SYTL2: variants seen among roughly 807,000 people sequenced by gnomAD.
The protein encoded by SYTL2 is synaptotagmin-like protein 2.
Under a neutral mutation model 198.7 loss-of-function variants are expected in SYTL2, and 165 were observed. The observed-to-expected ratio is 0.83, with a 90% CI of 0.73 to 0.94. The LOEUF (loss-of-function observed/expected upper bound fraction) is 0.94. Ranked by LOEUF, SYTL2 falls within the 40% of genes least tolerant of loss-of-function variation. The probability of loss-of-function intolerance (pLI) is 0.00; values close to 1 mark genes in which losing one functional copy is unlikely to be tolerated. For missense variants in SYTL2, 2,835 were observed against 2,582.8 expected, an observed-to-expected ratio of 1.10 and a Z score of -2.12; for synonymous variants, 966 against 917.7, an observed-to-expected ratio of 1.05 and a Z score of -0.95.
intron 14 of SYTL2, chr11:85,708,165 AG>A (rs1266291779): frequency 4.6e-6 from 2 of 433,656 alleles, no homozygotes; most frequent in Admixed American, 5.2e-5. Context: ...AAAAAAAAAA[AG>A]AAAAAAAGAA....
chr11:85,752,280 C>T (rs138047047), intron 2 of SYTL2, among the ~76,000 whole-genome samples: 1 of 152,268 alleles, frequency 6.6e-6, no homozygotes, highest in East Asian at 1.9e-4. Flanking sequence ...GAGGTGCTCT[C>T]AGATGTTTGT....
chr11:85,834,967 C>G, the SYTL2 span, among the ~76,000 whole-genome samples: 1 of 152,016 alleles, frequency 6.6e-6, no homozygotes, highest in African/African-American at 2.4e-5. Context: ...AGTATGCTGA[C>G]CAGGCTGGTC....
chr11:85,787,255 C>T (rs2092650149), intron 1 of SYTL2, among the ~76,000 whole-genome samples: 1 of 152,160 alleles, frequency 6.6e-6, no homozygotes, highest in African/African-American at 2.4e-5. Flanking sequence ...TTCTGCAAGG[C>T]TGCTATGTGA....
rs1230385423 is a variant in SYTL2 at position 85,751,475 on chromosome 11, T to C, written c.102-3052A>G. Among the ~76,000 whole-genome samples the C allele has an allele frequency of 2.0e-5, 3 of 152,154 alleles. No individual in the cohort carries two copies. The South Asian group carries it at 6.2e-4, about 31-fold the overall frequency. On this transcript the variant is annotated intron_variant, in intron 2 of 19. Coordinates refer to ENST00000359152, the MANE Select transcript of SYTL2 (RefSeq NM_206927.4). ...CTAGATGAAGAGAGAAAGGGGTAAG[T>C]TTCTTGGGACTGACATTTATCCTTT...
the SYTL2 span, among the ~76,000 whole-genome samples, chr11:85,844,736 A>T: frequency 6.6e-6 from 1 of 152,074 alleles, no homozygotes; most frequent in East Asian, 1.9e-4. Flanking sequence ...CTTAGGCAAA[A>T]GAAAGATTGA....
chr11:85,826,164 C>A, the SYTL2 span, among the ~76,000 whole-genome samples: 1 of 152,170 alleles, frequency 6.6e-6, no homozygotes, highest in African/African-American at 2.4e-5. Flanking sequence ...CACCCCAGAC[C>A]TATAATTTTG....
chr11:85,728,326 G>A (rs1271607266), intron 7 of SYTL2, among the ~76,000 whole-genome samples: 1 of 152,012 alleles, frequency 6.6e-6, no homozygotes, highest in Non-Finnish European at 1.5e-5. Flanking sequence ...TCGCTCTGTT[G>A]CCTAGGCCAG....
intron 1 of SYTL2, among the ~76,000 whole-genome samples, chr11:85,808,682 A>G (rs1167319471): frequency 1.3e-5 from 2 of 152,176 alleles, no homozygotes; most frequent in African/African-American, 2.4e-5. Context: ...AAAAAACTTT[A>G]TATTTTTAAA....
chr11:85,784,269 T>C (rs1280128889), intron 1 of SYTL2, among the ~76,000 whole-genome samples: 1 of 152,090 alleles, frequency 6.6e-6, no homozygotes, highest in Non-Finnish European at 1.5e-5. Flanking sequence ...GACGGTGCAA[T>C]GCAATGGTTT....
At chr11:85,821,512 G>A in the SYTL2 span, among the ~76,000 whole-genome samples, 3 of 152,312 alleles carry the variant, frequency 2.0e-5, no homozygotes, top group East Asian at 1.9e-4. Flanking sequence ...GAAGGCGAGT[G>A]TTAGGAAGCA....
chr11:85,736,516 GAAAT>G lies in SYTL2; in HGVS notation c.567_570del (p.Leu189PhefsTer26), dbSNP rs1432888406. The G allele has an allele frequency of 6.3e-7, 1 of 1,575,666 alleles. No individual in the cohort carries two copies. The highest frequency in any genetic ancestry group is 1.7e-5 in the Admixed American group (1 of 59,076). On this transcript the variant is annotated frameshift_variant, in exon 6 of 20. Transcript: ENST00000359152. LOFTEE classifies it high-confidence loss of function. ...TAATATTTACCCTCTTTTGAAGTCT[GAAAT>G]AAACCAGTTCTTCCATTTTTTGACT...
chr11:85,776,444 C>T (rs1375950633), intron 1 of SYTL2, among the ~76,000 whole-genome samples: 2 of 152,192 alleles, frequency 1.3e-5, no homozygotes, highest in African/African-American at 4.8e-5. Flanking sequence ...GTTCCCCTCC[C>T]TGTGTCCATC....
chr11:85,752,562 T>A (rs531659579), intron 2 of SYTL2, among the ~76,000 whole-genome samples: 34 of 152,232 alleles, frequency 2.2e-4, no homozygotes, highest in African/African-American at 7.9e-4. Context: ...AACCAACATG[T>A]GGAAAACAAA....
chr11:85,718,356 C>G (rs2087713832), intron 10 of SYTL2: 1 of 169,934 alleles, frequency 5.9e-6, no homozygotes, highest in African/African-American at 2.4e-5. Flanking sequence ...TGTTCTGGGA[C>G]TCTTTCCTTT....
chr11:85,822,650 GA>G, the SYTL2 span, among the ~76,000 whole-genome samples: 2 of 152,222 alleles, frequency 1.3e-5, no homozygotes, highest in African/African-American at 4.8e-5. Context: ...GCTGTGCTCA[GA>G]TTGGGATAGA....
At chr11:85,851,988 A>T in the SYTL2 span, among the ~76,000 whole-genome samples, 1 of 152,170 alleles carries the variant, frequency 6.6e-6, no homozygotes, top group African/African-American at 2.4e-5. Flanking sequence ...CACAATACTG[A>T]TAGACTAAAG....
chr11:85,850,205 T>G, the SYTL2 span, among the ~76,000 whole-genome samples: 1 of 149,336 alleles, frequency 6.7e-6, no homozygotes, highest in South Asian at 2.2e-4. Flanking sequence ...AATGGGGTTT[T>G]CTAGATATAC....
chr11:85,712,040 A>G (rs1287856232), intron 12 of SYTL2, among the ~76,000 whole-genome samples: 2 of 152,192 alleles, frequency 1.3e-5, no homozygotes, highest in Admixed American at 6.5e-5. Context: ...TATGATTCAG[A>G]GTGAGCTCCT....
chr11:85,762,482 G>A (rs1316455599), intron 1 of SYTL2, among the ~76,000 whole-genome samples: 3 of 152,112 alleles, frequency 2.0e-5, no homozygotes, highest in Non-Finnish European at 4.4e-5. Context: ...CACATTCTCA[G>A]GCTTAAAATC....
Sources: gnomAD v4.1 joint callset for allele counts (sites outside exome capture counted in the v4.1 genomes callset) on GRCh38, gnomAD v4.1.1 for gene constraint, MANE v1.5 for transcripts, NCBI Gene and HGNC (gene_info 2026-07-23, HGNC 2026-07-21) for gene names.